The following OPCML variants were observed in gnomAD, a reference collection of about 807,000 sequenced individuals.
OPCML encodes the protein opioid binding protein/cell adhesion molecule like.
OPCML carries 13 observed loss-of-function variants against 37.8 expected under a neutral mutation model. The ratio of observed to expected loss-of-function variants is 0.34; its 90% CI spans 0.22 to 0.55. OPCML has a LOEUF of 0.55. Ranked by LOEUF, OPCML falls within the 20% of genes least tolerant of loss-of-function variation. The pLI is 0.91. For missense variants in OPCML, 341 were observed against 435.6 expected, an observed-to-expected ratio of 0.78 and a Z score of 1.93; for synonymous variants, 176 against 168.8, an observed-to-expected ratio of 1.04 and a Z score of -0.33.
chr11:132,724,879 C>A (rs1944820535), intron 2 of OPCML, among the ~76,000 whole-genome samples: 1 of 152,202 alleles, frequency 6.6e-6, no homozygotes, highest in Admixed American at 6.5e-5. Flanking sequence ...TCCTTTGACT[C>A]CAGGTCTCAC....
intron 2 of OPCML, among the ~76,000 whole-genome samples, chr11:132,930,189 C>T (rs1420467724): frequency 6.6e-6 from 1 of 152,068 alleles, no homozygotes; most frequent in East Asian, 1.9e-4. Context: ...CATGGCAAAA[C>T]TCTGTCTCTA....
chr11:133,217,157 C>A (rs547355964), intron 1 of OPCML, among the ~76,000 whole-genome samples: 2 of 152,280 alleles, frequency 1.3e-5, no homozygotes, highest in East Asian at 1.9e-4. Context: ...AGGTGAGCAG[C>A]CCACTCACAC....
At chr11:132,775,174 C>T (rs1171119156) in intron 2 of OPCML, among the ~76,000 whole-genome samples, 1 of 152,146 alleles carries the variant, frequency 6.6e-6, no homozygotes, top group Non-Finnish European at 1.5e-5. Flanking sequence ...GCTACATTAC[C>T]CAGCTAGGCT....
At chr11:132,483,964 C>T (rs1313950101) in intron 4 of OPCML, among the ~76,000 whole-genome samples, 1 of 152,070 alleles carries the variant, frequency 6.6e-6, no homozygotes, top group Non-Finnish European at 1.5e-5. Flanking sequence ...CATAAAAACC[C>T]TAAAAGAAAA....
chr11:133,055,330 C>T lies in OPCML; in HGVS notation c.62-112320G>A, dbSNP rs552159917. Among the ~76,000 whole-genome samples, 6 of 150,664 alleles carry T rather than the reference C, an allele frequency of 4.0e-5. No homozygotes were observed. The South Asian group carries it at 8.4e-4, about 21-fold the overall frequency. On this transcript the variant is annotated intron_variant, in intron 1 of 7. Coordinates refer to ENST00000524381, the MANE Select transcript of OPCML (RefSeq NM_001012393.5). ...TCCATGATACTTCCAAGTAGTGAGACTCCATGAGGGAGCCACCTCTACTGT... is the reference window on the plus strand; with the variant it reads ...TCCATGATACTTCCAAGTAGTGAGATTCCATGAGGGAGCCACCTCTACTGT...
At chr11:133,267,192 T>G (rs1485524520) in intron 1 of OPCML, among the ~76,000 whole-genome samples, 1 of 152,186 alleles carries the variant, frequency 6.6e-6, no homozygotes, top group Non-Finnish European at 1.5e-5. Flanking sequence ...GCTCTGCAAT[T>G]TACTCGCAGT....
intron 1 of OPCML, among the ~76,000 whole-genome samples, chr11:133,149,050 A>G (rs572576447): frequency 6.6e-6 from 1 of 152,254 alleles, no homozygotes; most frequent in South Asian, 2.1e-4. Context: ...CCTTCCTTGA[A>G]CACCACACTT....
rs2095937724 is a variant in OPCML, at chr11:132,416,084, AC to A, written c.*4108del. 6.6e-6 allele frequency: 1 copy of A among 152,524 alleles called. No homozygotes were observed. Among genetic ancestry groups the A allele is most frequent in the Non-Finnish European group, 1.5e-5 (1 of 68,046 alleles). The allele number at this position is 152,524 out of a possible 1,614,324, so 9.4% of individuals were successfully genotyped here. On this transcript the variant is annotated 3_prime_UTR_variant, in exon 8 of 8. Coordinates refer to ENST00000524381, the MANE Select transcript of OPCML (RefSeq NM_001012393.5). ...AGATAAGGTCACGTGCAAAATGAAA[AC>A]AAAAGATTCTTGCTGTTGGAGAAAA...
chr11:132,715,370 T>C (rs147615749), intron 2 of OPCML, among the ~76,000 whole-genome samples: 3 of 152,208 alleles, frequency 2.0e-5, no homozygotes, highest in African/African-American at 7.2e-5. Context: ...TGTTCTTTAG[T>C]GTCAAGAACA....
chr11:132,501,839 C>T (rs1443394203), intron 4 of OPCML, among the ~76,000 whole-genome samples: 5 of 152,020 alleles, frequency 3.3e-5, no homozygotes, highest in Non-Finnish European at 7.4e-5. Flanking sequence ...ATGGTCTTAG[C>T]GATGGGGAAG....
chr11:132,605,399 T>TA (rs755243796), intron 3 of OPCML, among the ~76,000 whole-genome samples: 285 of 129,032 alleles, frequency 2.2e-3, no homozygotes, highest in Middle Eastern at 4.1e-3. Context: ...CTACTAAAAA[T>TA]AAAAAAAAAA....
chr11:132,843,065 GT>G (rs1392528808), intron 2 of OPCML, among the ~76,000 whole-genome samples: 1 of 146,236 alleles, frequency 6.8e-6, no homozygotes, highest in Non-Finnish European at 1.5e-5. Flanking sequence ...CACTTCTACT[GT>G]TTTAAAGTGT....
At position 133,141,089 on chromosome 11, in the gene OPCML, AAGAAGG is replaced by A. The variant is rs758777981; in HGVS notation, c.62-198085_62-198080del. 7.1e-4 allele frequency among the ~76,000 whole-genome samples: 90 copies of A among 127,204 alleles called. 14 individuals carry two copies. Among genetic ancestry groups the A allele is most frequent in the African/African-American group, 1.4e-3 (48 of 35,012 alleles). 83.5% of individuals were successfully genotyped at this position (127,204 alleles called of 152,430 possible). A position where few individuals can be genotyped will look rare whatever the true frequency, so the allele number is the denominator to read the frequency against. ...GAAGAAGAAGAAGAAGAAGAAGAAG[AAGAAGG>A]AGAAGAAGAAGCAGCTGAATGCCAA... On this transcript the variant is annotated intron_variant, in intron 1 of 7. Coordinates refer to ENST00000524381, the MANE Select transcript of OPCML (RefSeq NM_001012393.5).
chr11:132,557,354 C>T (rs992012491), intron 3 of OPCML, among the ~76,000 whole-genome samples: 2 of 152,122 alleles, frequency 1.3e-5, no homozygotes, highest in Admixed American at 6.6e-5. Context: ...TATTTCTGTT[C>T]GCTCAGTTGA....
At chr11:132,723,392 TCTG>T (rs1027446126) in intron 2 of OPCML, among the ~76,000 whole-genome samples, 7 of 152,204 alleles carry the variant, frequency 4.6e-5, no homozygotes, top group African/African-American at 9.6e-5. Context: ...ATATCTGGGC[TCTG>T]CTATTTCCCA....
intron 1 of OPCML, among the ~76,000 whole-genome samples, chr11:133,276,362 C>A (rs1455851812): frequency 1.3e-5 from 2 of 152,012 alleles, no homozygotes; most frequent in Non-Finnish European, 2.9e-5. Flanking sequence ...GGAAGAGGGG[C>A]CAAGTGGGGA....
At chr11:132,699,568 A>G (rs1042095226) in intron 2 of OPCML, among the ~76,000 whole-genome samples, 8 of 152,040 alleles carry the variant, frequency 5.3e-5, no homozygotes, top group African/African-American at 1.9e-4. Context: ...ACAATGTTGA[A>G]TTTTGTCACC....
rs953126354 is a variant in OPCML at position 132,943,357 on chromosome 11, G to A, written c.62-347C>T. 2 of 534,106 alleles carry A rather than the reference G, an allele frequency of 3.7e-6. No individual in the cohort carries two copies. Among genetic ancestry groups the A allele is most frequent in the Non-Finnish European group, 6.6e-6 (2 of 300,888 alleles). The allele number at this position is 534,106 out of a possible 1,614,324, so 33.1% of individuals were successfully genotyped here. ...TTTCTTGACGCTCCCCTGGGGAGGAGGGAGGCGGCCAGGAGGGGAGAGGAA... is the reference window on the plus strand; with the variant it reads ...TTTCTTGACGCTCCCCTGGGGAGGAAGGAGGCGGCCAGGAGGGGAGAGGAA... On this transcript the variant is annotated intron_variant, in intron 1 of 7. Coordinates refer to ENST00000524381, the MANE Select transcript of OPCML (RefSeq NM_001012393.5). This position sits in a 1 kb window ranked among gnomAD's most constrained non-coding sequence, Gnocchi z 4.3.
At chr11:133,086,020 A>T (rs1314561601) in intron 1 of OPCML, among the ~76,000 whole-genome samples, 1 of 152,246 alleles carries the variant, frequency 6.6e-6, no homozygotes, top group African/African-American at 2.4e-5. Context: ...AAAATAGAGG[A>T]CAGTTAATGA....
Sources: allele counts gnomAD v4.1 joint callset (sites outside exome capture counted in the v4.1 genomes callset), GRCh38; gene constraint gnomAD v4.1.1; non-coding constraint Gnocchi (gnomAD v3.1); transcripts MANE v1.5; gene names NCBI Gene and HGNC (gene_info 2026-07-23, HGNC 2026-07-21).